The following SUMF1 variants were observed in gnomAD, a reference collection of about 807,000 sequenced individuals.
SUMF1 encodes sulfatase modifying factor 1, also known as formylglycine-generating enzyme.
In SUMF1, 48 loss-of-function variants were observed where a neutral mutation model predicts 47.6. That is an observed-to-expected ratio of 1.01 (90% CI 0.80 to 1.28). The LOEUF is 1.28. Ranked by LOEUF, SUMF1 falls within the 50% of genes most tolerant of loss-of-function variation. The pLI is 0.00. For synonymous variants in SUMF1, 230 were observed against 192.1 expected (o/e 1.20, Z -1.63); for missense variants, 571 against 485.4 (o/e 1.18, Z -1.66).
intron 8 of SUMF1, among the ~76,000 whole-genome samples, chr3:4,183,380 G>A (rs2600114): frequency 0.34 from 51,310 of 151,752 alleles, 8,751 homozygotes; most frequent in East Asian, 0.4. Context: ...TAGTCCTGAT[G>A]CTTTAGTTGC....
chr3:4,089,200 T>C (rs1220188812), intron 8 of SUMF1, among the ~76,000 whole-genome samples: 3 of 152,126 alleles, frequency 2.0e-5, no homozygotes, highest in Admixed American at 2.0e-4. Flanking sequence ...AGACTGGACA[T>C]GGTGTTTGCA....
intron 8 of SUMF1, among the ~76,000 whole-genome samples, chr3:4,324,310 T>C (rs1698897887): frequency 6.6e-6 from 1 of 152,160 alleles, no homozygotes; most frequent in South Asian, 2.1e-4. Context: ...TGTGAAAATC[T>C]TTTTTATAAT....
intron 1 of SUMF1, among the ~76,000 whole-genome samples, 154 bp downstream of exon 1, chr3:4,466,822 G>C (rs1050820434): frequency 6.6e-6 from 1 of 152,184 alleles, no homozygotes; most frequent in Non-Finnish European, 1.5e-5. Context: ...GTGAGGCACG[G>C]AGAAGGAACT....
At chr3:4,110,731 T>A (rs911621537) in intron 8 of SUMF1, among the ~76,000 whole-genome samples, 1 of 150,960 alleles carries the variant, frequency 6.6e-6, no homozygotes, top group African/African-American at 2.4e-5. Context: ...TTCTCAGCAA[T>A]CTATCGCAAG....
intron 7 of SUMF1, among the ~76,000 whole-genome samples, chr3:4,384,286 T>C (rs375365876): frequency 6.6e-6 from 1 of 152,216 alleles, no homozygotes; most frequent in African/African-American, 2.4e-5. Context: ...TAACCGTTGA[T>C]TCACATGAAG....
At chr3:4,295,077 C>T (rs1439192652) in intron 8 of SUMF1, among the ~76,000 whole-genome samples, 1 of 152,118 alleles carries the variant, frequency 6.6e-6, no homozygotes, top group East Asian at 1.9e-4. Flanking sequence ...AAATCATCAA[C>T]ATTTTTCCAA....
intron 7 of SUMF1, among the ~76,000 whole-genome samples, chr3:4,396,991 T>C (rs1446575244): frequency 6.6e-6 from 1 of 152,214 alleles, no homozygotes; most frequent in Non-Finnish European, 1.5e-5. Context: ...ATTAGATTTC[T>C]GCAACAAAGA....
At chr3:4,401,883 T>C (rs926990207) in intron 7 of SUMF1, among the ~76,000 whole-genome samples, 6 of 152,088 alleles carry the variant, frequency 3.9e-5, no homozygotes, top group African/African-American at 7.2e-5. Context: ...TGTGAAAAGG[T>C]AACCAATAAA....
At chr3:4,079,453 A>C (rs765391734) in intron 8 of SUMF1, among the ~76,000 whole-genome samples, 2 of 152,018 alleles carry the variant, frequency 1.3e-5, no homozygotes, top group Non-Finnish European at 2.9e-5. Context: ...CTGAGAGAGC[A>C]GCAGAAGCTC....
At chr3:4,223,853 T>C (rs769726858) in intron 8 of SUMF1, among the ~76,000 whole-genome samples, 14 of 152,164 alleles carry the variant, frequency 9.2e-5, no homozygotes, top group Non-Finnish European at 2.1e-4. Flanking sequence ...AAATTGCTCA[T>C]CTGCCAAATA....
At chr3:4,135,644 G>T (rs1693907763) in intron 8 of SUMF1, among the ~76,000 whole-genome samples, 1 of 152,136 alleles carries the variant, frequency 6.6e-6, no homozygotes, top group Non-Finnish European at 1.5e-5. Context: ...GCAGAAGAAG[G>T]AAATAAAGGG....
chr3:4,273,903 CT>C (rs996890433), intron 8 of SUMF1, among the ~76,000 whole-genome samples: 4 of 139,384 alleles, frequency 2.9e-5, no homozygotes, highest in Non-Finnish European at 6.2e-5. Flanking sequence ...AGTGTTGTTT[CT>C]TTTTTTTAAT....
chr3:4,140,326 CCT>C (rs1694043345), intron 8 of SUMF1, among the ~76,000 whole-genome samples: 1 of 151,966 alleles, frequency 6.6e-6, no homozygotes, highest in Non-Finnish European at 1.5e-5. Context: ...GACTAGGGTT[CCT>C]CTTTCTTTTC....
chr3:4,163,114 G>A lies in SUMF1; in HGVS notation c.1015-94369C>T, dbSNP rs536314521. On this transcript the variant is annotated intron_variant and NMD_transcript_variant, in intron 8 of 12. Coordinates refer to the SUMF1 transcript ENST00000448413. ...AAGTCATTGGGTGTTGAACTAAGCAGCAGCCTGAAAAAAAAAATCACTGTC... is the reference window on the plus strand; with the variant it reads ...AAGTCATTGGGTGTTGAACTAAGCAACAGCCTGAAAAAAAAAATCACTGTC... Among the ~76,000 whole-genome samples the A allele has an allele frequency of 4.5e-5, 6 of 132,632 alleles. No homozygotes were observed. In the South Asian group the frequency reaches 1.4e-3, roughly 31 times the overall value. 87.0% of individuals were successfully genotyped at this position (132,632 alleles called of 152,430 possible).
intron 8 of SUMF1, among the ~76,000 whole-genome samples, chr3:4,103,411 C>T (rs766503528): frequency 2.0e-5 from 3 of 151,940 alleles, no homozygotes; most frequent in South Asian, 4.2e-4. Flanking sequence ...ATATGAAGGT[C>T]AGCATGGCTG....
intron 8 of SUMF1, among the ~76,000 whole-genome samples, chr3:4,308,742 T>A (rs530134173): frequency 1.1e-3 from 162 of 152,354 alleles, no homozygotes; most frequent in South Asian, 2.3e-3. Flanking sequence ...CACAGAGTTT[T>A]CCTGCCTGGT....
rs369064371 is a variant in SUMF1 at position 4,251,272 on chromosome 3, G to C, written c.1014+125058C>G. On this transcript the variant is annotated intron_variant and NMD_transcript_variant, in intron 8 of 12. Coordinates refer to the SUMF1 transcript ENST00000448413. ...AGAAATAGCAAATGAACTAGAATTA[G>C]AAGTGGAGCCTGAATTGCTGCAATC... Among the ~76,000 whole-genome samples the C allele has an allele frequency of 2.2e-4, 33 of 152,304 alleles. No individual in the cohort carries two copies. The East Asian group carries it at 3.7e-3, about 17-fold the overall frequency.
intron 8 of SUMF1, among the ~76,000 whole-genome samples, chr3:4,275,968 C>G (rs776016493): frequency 2.6e-5 from 4 of 152,150 alleles, no homozygotes; most frequent in Non-Finnish European, 5.9e-5. Context: ...TCCTAGAAGG[C>G]TAATTTCCCA....
At chr3:4,197,813 T>C (rs1408495904) in intron 8 of SUMF1, among the ~76,000 whole-genome samples, 1 of 152,108 alleles carries the variant, frequency 6.6e-6, no homozygotes, top group African/African-American at 2.4e-5. Flanking sequence ...CCTTGTGCAA[T>C]ATAATGAAGA....
Sources: gnomAD v4.1 joint callset for allele counts (sites outside exome capture counted in the v4.1 genomes callset) on GRCh38, gnomAD v4.1.1 for gene constraint, MANE v1.5 for transcripts, NCBI Gene and HGNC (gene_info 2026-07-23, HGNC 2026-07-21) for gene names.